Variants in FBXW7 observed in about 807,000 individuals in gnomAD.
FBXW7 encodes F-box/WD repeat-containing protein 7.
Under a neutral mutation model 86.3 loss-of-function variants are expected in FBXW7, and 11 were observed. The observed-to-expected ratio is 0.13, with a 90% CI of 0.08 to 0.21. The LOEUF is 0.21. Ranked by LOEUF, FBXW7 falls within the 10% of genes least tolerant of loss-of-function variation. The pLI, the probability that FBXW7 is intolerant of heterozygous loss-of-function variation, is 1.00. For missense variants in FBXW7, 488 were observed against 847.4 expected (o/e 0.58, Z 5.27); for synonymous variants, 313 against 297.9 (o/e 1.05, Z -0.52).
rs143399243 is a variant in FBXW7 at position 152,451,431 on chromosome 4, T to A, written c.-119-38902A>T. ...CAAACACAACCCTGAACAAGAGACATCCTTCCTCAATGCTCAAATTTATTT... is the reference window on the plus strand; with the variant it reads ...CAAACACAACCCTGAACAAGAGACAACCTTCCTCAATGCTCAAATTTATTT... On this transcript the variant is annotated intron_variant, in intron 2 of 13. Transcript: ENST00000281708. 2.7e-3 allele frequency among the ~76,000 whole-genome samples: 414 copies of A among 152,258 alleles called. 1 individual carries two copies. The highest frequency in any genetic ancestry group is 4.2e-3 in the Non-Finnish European group (284 of 68,014).
chr4:152,379,344 A>G (rs1033937240), intron 4 of FBXW7, among the ~76,000 whole-genome samples: 1 of 152,152 alleles, frequency 6.6e-6, no homozygotes, highest in Non-Finnish European at 1.5e-5. Context: ...AAAGACAACC[A>G]AGGCTTTTTT....
intron 2 of FBXW7, among the ~76,000 whole-genome samples, chr4:152,498,268 G>C (rs1359900061): frequency 6.8e-6 from 1 of 147,384 alleles, no homozygotes; most frequent in Non-Finnish European, 1.5e-5. Context: ...TAGGAAGCAT[G>C]AGAGAAATAG....
At chr4:152,465,829 G>A (rs755783164) in intron 2 of FBXW7, among the ~76,000 whole-genome samples, 1 of 141,646 alleles carries the variant, frequency 7.1e-6, no homozygotes, top group Non-Finnish European at 1.5e-5. Flanking sequence ...GGGCGACAGA[G>A]TGAGACTCTT....
At chr4:152,420,059 G>C (rs1738806466) in intron 2 of FBXW7, among the ~76,000 whole-genome samples, 1 of 152,126 alleles carries the variant, frequency 6.6e-6, no homozygotes, top group South Asian at 2.1e-4. Flanking sequence ...TTACCTAACT[G>C]TAGATCTTCT....
Position 152,322,818 on chromosome 4 carries a change from T to C in FBXW7, c.*63A>G. ...TCTTTTTCTTTTCTTTTTTTCTTTT[T>C]GCAGGGGGAAGGGCAGGGAGTATAT... On this transcript the variant is annotated 3_prime_UTR_variant, in exon 14 of 14. Transcript: ENST00000281708. The C allele has an allele frequency of 1.3e-6, 2 of 1,572,638 alleles. No homozygotes were observed. The highest frequency in any genetic ancestry group is 1.7e-6 in the Non-Finnish European group (2 of 1,162,602).
At chr4:152,337,741 G>T (rs2126581632) in intron 7 of FBXW7, 61 bp downstream of exon 7, 1 of 1,497,508 alleles carries the variant, frequency 6.7e-7, no homozygotes, top group Admixed American at 2.0e-5. Flanking sequence ...TTTAAAGGTG[G>T]TAGCTGTTGA....
At chr4:152,348,228 C>T (rs1463407451) in intron 5 of FBXW7, among the ~76,000 whole-genome samples, 1 of 151,982 alleles carries the variant, frequency 6.6e-6, no homozygotes, top group African/African-American at 2.4e-5. Context: ...TATCTACTCC[C>T]TTTAAATCCT....
chr4:152,524,134 T>C lies in FBXW7; in HGVS notation c.-120+10807A>G, dbSNP rs553312474. Among the ~76,000 whole-genome samples the C allele has an allele frequency of 4.0e-4, 61 of 152,336 alleles. 1 individual carries two copies. Among genetic ancestry groups the C allele is most frequent in the Non-Finnish European group, 7.8e-4 (53 of 68,032 alleles). ...CTGTGCTAAAGGCTTACATGCATTA[T>C]CTCACTCAATCCTCTTAATTACTCT... On this transcript the variant is annotated intron_variant, in intron 2 of 13. Coordinates refer to ENST00000281708, the MANE Select transcript of FBXW7 (RefSeq NM_001349798.2).
intron 2 of FBXW7, among the ~76,000 whole-genome samples, chr4:152,471,702 T>C (rs191803571): frequency 2.2e-4 from 33 of 151,664 alleles, no homozygotes; most frequent in African/African-American, 6.8e-4. Context: ...AGTCCGAGAT[T>C]AGTGTGGGCA....
At chr4:152,391,782 T>A (rs148699531) in intron 4 of FBXW7, among the ~76,000 whole-genome samples, 18 of 152,272 alleles carry the variant, frequency 1.2e-4, no homozygotes, top group African/African-American at 4.1e-4. Flanking sequence ...TTGCCCAAGG[T>A]AACACAGCTG....
Position 152,320,946 on chromosome 4 carries a change from C to T in FBXW7, c.*1935G>A, listed in dbSNP as rs901821542. 2 of 154,664 alleles carry T rather than the reference C, an allele frequency of 1.3e-5. No homozygotes were observed. The highest frequency in any genetic ancestry group is 4.8e-5 in the African/African-American group (2 of 41,474). The allele number at this position is 154,664 out of a possible 1,614,324, so 9.6% of individuals were successfully genotyped here. On this transcript the variant is annotated 3_prime_UTR_variant, in exon 14 of 14. Transcript: ENST00000281708. ...CAAAATGAATTTGTTATTTATAAGG[C>T]TTCTAGTTGTAATTATCACAAAAGT...
chr4:152,459,586 G>T (rs1054117701), intron 2 of FBXW7, among the ~76,000 whole-genome samples: 1 of 152,052 alleles, frequency 6.6e-6, no homozygotes, highest in Non-Finnish European at 1.5e-5. Flanking sequence ...CAAACCAAGG[G>T]GTAGGGCAGG....
chr4:152,417,676 CAT>C (rs1738563589), intron 2 of FBXW7, among the ~76,000 whole-genome samples: 1 of 152,084 alleles, frequency 6.6e-6, no homozygotes, highest in African/African-American at 2.4e-5. Flanking sequence ...AGAGTGTCCA[CAT>C]GAGGGAAAGA....
intron 4 of FBXW7, among the ~76,000 whole-genome samples, chr4:152,354,609 C>T (rs1409938215): frequency 6.6e-6 from 1 of 152,086 alleles, no homozygotes; most frequent in Non-Finnish European, 1.5e-5. Context: ...ATTAAATCTA[C>T]TCAGTTAAGA....
chr4:152,479,502 CA>C (rs943206038), intron 2 of FBXW7, among the ~76,000 whole-genome samples: 9 of 152,068 alleles, frequency 5.9e-5, no homozygotes, highest in African/African-American at 1.2e-4. Flanking sequence ...TTTCTTAAGA[CA>C]ATGATGTGTC....
chr4:152,535,977 T>G lies in FBXW7; in HGVS notation c.-1063A>C. On this transcript the variant is annotated 5_prime_UTR_variant, in exon 1 of 14. Transcript: ENST00000281708. ...GTGCAGGGGGACTGGATCTCTCGGA[T>G]GCTCCTTCGCTCTCAGTCTCAGCGG... 3.8e-6 allele frequency: 1 copy of G among 260,064 alleles called. No individual in the cohort carries two copies. The highest frequency in any genetic ancestry group is 8.3e-5 in the South Asian group (1 of 12,076). 16.1% of individuals were successfully genotyped at this position (260,064 alleles called of 1,614,324 possible).
intron 4 of FBXW7, among the ~76,000 whole-genome samples, chr4:152,409,322 T>C (rs1737716693): frequency 6.6e-6 from 1 of 152,188 alleles, no homozygotes. Context: ...AACTATGGTC[T>C]AGGGTAACAT....
At chr4:152,419,745 G>A (rs1410773257) in intron 2 of FBXW7, among the ~76,000 whole-genome samples, 1 of 152,020 alleles carries the variant, frequency 6.6e-6, no homozygotes, top group African/African-American at 2.4e-5. Flanking sequence ...CACAAAAAAT[G>A]TTTTGGTTTC....
At chr4:152,468,846 G>C (rs1020960826) in intron 2 of FBXW7, among the ~76,000 whole-genome samples, 1 of 151,708 alleles carries the variant, frequency 6.6e-6, no homozygotes, top group African/African-American at 2.4e-5. Context: ...CGCATCAATA[G>C]GGAAAAAAAT....
Sources: allele counts gnomAD v4.1 joint callset (sites outside exome capture counted in the v4.1 genomes callset), GRCh38; gene constraint gnomAD v4.1.1; transcripts MANE v1.5; gene names NCBI Gene and HGNC (gene_info 2026-07-23, HGNC 2026-07-21).